The following ARFGAP3 variants were observed in gnomAD, a reference collection of about 807,000 sequenced individuals.
ARFGAP3 encodes the protein ADP-ribosylation factor GTPase-activating protein 3.
ARFGAP3 carries 72 observed loss-of-function variants against 75.0 expected under a neutral mutation model. The observed-to-expected ratio is 0.96, with a 90% CI of 0.79 to 1.17. ARFGAP3 has a LOEUF of 1.17. Ranked by LOEUF, ARFGAP3 falls within the 50% of genes most tolerant of loss-of-function variation. ARFGAP3 has a pLI of 0.00. For missense variants in ARFGAP3, 620 were observed against 626.6 expected (o/e 0.99, Z 0.11); for synonymous variants, 221 against 217.9 (o/e 1.01, Z -0.13).
At chr22:42,832,627 G>C (rs971278626) in intron 5 of ARFGAP3, among the ~76,000 whole-genome samples, 4 of 152,216 alleles carry the variant, frequency 2.6e-5, no homozygotes, top group Non-Finnish European at 4.4e-5. Context: ...GGACTGGGAG[G>C]AGCTAGAGTA....
At chr22:42,826,538 CTCAG>C (rs983215523) in intron 7 of ARFGAP3, among the ~76,000 whole-genome samples, 1 of 151,982 alleles carries the variant, frequency 6.6e-6, no homozygotes, top group Non-Finnish European at 1.5e-5. Context: ...TGCCACCACA[CTCAG>C]GTAATTTTTG....
At chr22:42,832,174 A>C (rs539361909) in intron 5 of ARFGAP3, among the ~76,000 whole-genome samples, 32 of 143,154 alleles carry the variant, frequency 2.2e-4, no homozygotes, top group East Asian at 9.7e-4. Context: ...AAAAAAAAAA[A>C]AAAACCCAAA....
intron 2 of ARFGAP3, among the ~76,000 whole-genome samples, chr22:42,841,658 C>A (rs760639295): frequency 2.0e-5 from 3 of 152,122 alleles, no homozygotes; most frequent in Middle Eastern, 3.2e-3. Context: ...ATGTTAGAAT[C>A]TTTATACTGA....
At chr22:42,832,624 G>T (rs754248180) in intron 5 of ARFGAP3, among the ~76,000 whole-genome samples, 10 of 152,170 alleles carry the variant, frequency 6.6e-5, no homozygotes, top group African/African-American at 2.4e-4. Flanking sequence ...GTGGGACTGG[G>T]AGGAGCTAGA....
chr22:42,833,944 G>C (rs1179603549), intron 5 of ARFGAP3, among the ~76,000 whole-genome samples: 1 of 152,092 alleles, frequency 6.6e-6, no homozygotes, highest in Non-Finnish European at 1.5e-5. Flanking sequence ...GAAGAATAGG[G>C]CATTAGCTCT....
At chr22:42,799,316 G>A in intron 14 of ARFGAP3, 156 bp from the exon 15 acceptor site, 2 of 882,894 alleles carry the variant, frequency 2.3e-6, no homozygotes, top group Non-Finnish European at 2.7e-6. Context: ...TCGGGCTGAA[G>A]TGGCAGCCCT....
At chr22:42,811,979 C>T (rs1282398136) in intron 11 of ARFGAP3, among the ~76,000 whole-genome samples, 1 of 152,066 alleles carries the variant, frequency 6.6e-6, no homozygotes, top group African/African-American at 2.4e-5. Context: ...GAGTTCCAGA[C>T]CAGCCTGGGC....
In ARFGAP3 at chr22:42,838,291, T is replaced by TATATATA. The variant is rs1555899060; in HGVS notation, c.261+2652_261+2653insTATATAT. ...ACACACACACATATATATATATATATTTTTTTTTTCTTTTTTTTTTTTCTG... is the reference window on the plus strand; with the variant it reads ...ACACACACACATATATATATATATATATATATATTTTTTTTTCTTTTTTTTTTTTCTG... On this transcript the variant is annotated intron_variant, in intron 3 of 15. Transcript: ENST00000263245. Among the ~76,000 whole-genome samples, 34 of 65,116 alleles carry TATATATA rather than the reference T, an allele frequency of 5.2e-4. No individual in the cohort carries two copies. The Middle Eastern group carries it at 0.02, about 38-fold the overall frequency. 42.7% of individuals were successfully genotyped at this position (65,116 alleles called of 152,430 possible). A position where few individuals can be genotyped will look rare whatever the true frequency, so the allele number is the denominator to read the frequency against.
chr22:42,837,650 G>C lies in ARFGAP3; in HGVS notation c.262-2157C>G, dbSNP rs1041578820. Among the ~76,000 whole-genome samples, 104 of 115,094 alleles carry C rather than the reference G, an allele frequency of 9.0e-4. 1 individual carries two copies. In the East Asian group the frequency reaches 0.026, roughly 29 times the overall value. The allele number at this position is 115,094 out of a possible 152,430, so 75.5% of individuals were successfully genotyped here. ...AAAAAAAAAAAAAAACCAAAAAAAA[G>C]CCTTGAAACATCTAAGGCATACTTC... On this transcript the variant is annotated intron_variant, in intron 3 of 15. Coordinates refer to ENST00000263245, the MANE Select transcript of ARFGAP3 (RefSeq NM_014570.5).
At chr22:42,817,394 A>G in intron 10 of ARFGAP3, 130 bp from the exon 11 acceptor site, 1 of 1,316,446 alleles carries the variant, frequency 7.6e-7, no homozygotes, top group East Asian at 2.6e-5. Flanking sequence ...TAAGCAATAA[A>G]ACAATTTTTT....
chr22:42,809,059 A>G (rs892774185), intron 12 of ARFGAP3, 169 bp from the exon 13 acceptor site: 1 of 494,618 alleles, frequency 2.0e-6, no homozygotes, highest in African/African-American at 2.1e-5. Context: ...ATAAATACCC[A>G]AACGATACAA....
chr22:42,825,685 CAAA>C (rs538206434), intron 7 of ARFGAP3, among the ~76,000 whole-genome samples: 5 of 64,418 alleles, frequency 7.8e-5, no homozygotes, highest in Admixed American at 1.8e-4. Flanking sequence ...ACTCTGTCTC[CAAA>C]AAAAAAAAAA....
chr22:42,847,455 A>C (rs1927071334), intron 2 of ARFGAP3, 59 bp downstream of exon 2: 1 of 1,469,698 alleles, frequency 6.8e-7, no homozygotes, highest in East Asian at 2.3e-5. Context: ...AAAAAAGGGA[A>C]AAAAACACCC....
At chr22:42,806,807 C>A (rs1288341719) in intron 14 of ARFGAP3, among the ~76,000 whole-genome samples, 1 of 152,224 alleles carries the variant, frequency 6.6e-6, no homozygotes, top group Non-Finnish European at 1.5e-5. Context: ...AGCACAGCCG[C>A]ACTCAGCTAG....
chr22:42,813,175 A>AGG (rs1439272453), intron 11 of ARFGAP3, among the ~76,000 whole-genome samples: 4 of 152,242 alleles, frequency 2.6e-5, no homozygotes, highest in Non-Finnish European at 4.4e-5. Flanking sequence ...GGGAAGACAA[A>AGG]GGGCAAGAAG....
At chr22:42,827,047 A>C (rs1209180903) in intron 6 of ARFGAP3, 48 bp from the exon 7 acceptor site, 1 of 1,604,870 alleles carries the variant, frequency 6.2e-7, no homozygotes, top group Non-Finnish European at 8.5e-7. Flanking sequence ...TACTCAGCTA[A>C]CTTGCTTTTG....
intron 14 of ARFGAP3, among the ~76,000 whole-genome samples, chr22:42,801,067 G>C (rs755455138): frequency 1.3e-4 from 20 of 151,488 alleles, no homozygotes; most frequent in Non-Finnish European, 2.1e-4. Context: ...AGGGGACACA[G>C]AGCAAACTCA....
chr22:42,838,275 C>CATATATATATAT (rs55855980), intron 3 of ARFGAP3, among the ~76,000 whole-genome samples: 2 of 137,896 alleles, frequency 1.5e-5, no homozygotes, highest in South Asian at 2.3e-4. Flanking sequence ...TACACACACA[C>CATATATATATAT]ATATATATAT....
chr22:42,825,958 G>C (rs1926020457), intron 7 of ARFGAP3, among the ~76,000 whole-genome samples: 1 of 152,170 alleles, frequency 6.6e-6, no homozygotes, highest in Non-Finnish European at 1.5e-5. Flanking sequence ...GCCGTGAGTA[G>C]AGAATAACGT....
Sources: allele counts gnomAD v4.1 joint callset (sites outside exome capture counted in the v4.1 genomes callset), GRCh38; gene constraint gnomAD v4.1.1; transcripts MANE v1.5; gene names NCBI Gene and HGNC (gene_info 2026-07-23, HGNC 2026-07-21).